The following TBC1D5 variants were observed in gnomAD, a reference collection of about 807,000 sequenced individuals.
TBC1D5 encodes TBC1 domain family member 5.
In TBC1D5, 75 loss-of-function variants were observed where a neutral mutation model predicts 100.3. That is an observed-to-expected ratio of 0.75 (90% confidence interval 0.62 to 0.91). The LOEUF (loss-of-function observed/expected upper bound fraction) is 0.91, where lower values mean the gene tolerates loss of function less well. Among genes scored for constraint, TBC1D5 ranks in the 40% least tolerant of loss-of-function variants. TBC1D5 has a pLI of 0.00. For missense variants in TBC1D5, 910 were observed against 942.4 expected (o/e 0.97, Z 0.45); for synonymous variants, 323 against 325.6 (o/e 0.99, Z 0.09).
chr3:17,363,730 T>G (rs1018093784), intron 13 of TBC1D5, among the ~76,000 whole-genome samples: 7 of 152,014 alleles, frequency 4.6e-5, no homozygotes, highest in Admixed American at 4.6e-4. Context: ...AATGTTTGAA[T>G]AGCTGAAAGT....
chr3:17,404,882 A>T lies in TBC1D5; in HGVS notation c.356T>A (p.Ile119Asn). Residue 119 changes from isoleucine to asparagine, a missense_variant, in exon 6 of 22, where the codon ATT becomes AAT. Transcript: ENST00000253692. The stretch of plus-strand genomic sequence containing the variant: ...ATACTATTTACTTACTATTTCTTTA[A>T]TGTTGCTATACCATGCTCTTAATTC... 3 of 1,585,398 alleles carry T rather than the reference A, an allele frequency of 1.9e-6. No individual in the cohort carries two copies. In the South Asian group the frequency reaches 3.5e-5, roughly 18 times the overall value.
intron 21 of TBC1D5, among the ~76,000 whole-genome samples, chr3:17,165,207 T>C (rs535040914): frequency 2.0e-5 from 3 of 152,354 alleles, no homozygotes; most frequent in South Asian, 2.1e-4. Flanking sequence ...TGGTCATTGG[T>C]AGGTTCTTAT....
chr3:17,196,019 C>T (rs561938326), intron 18 of TBC1D5, among the ~76,000 whole-genome samples: 1 of 152,172 alleles, frequency 6.6e-6, no homozygotes, highest in African/African-American at 2.4e-5. Context: ...CCTAAGACAT[C>T]TCAATACTTG....
intron 15 of TBC1D5, among the ~76,000 whole-genome samples, chr3:17,277,345 T>A (rs1272989944): frequency 6.6e-6 from 1 of 152,206 alleles, no homozygotes; most frequent in African/African-American, 2.4e-5. Flanking sequence ...TTTCCTCTCA[T>A]TTTCTATTTT....
intron 1 of TBC1D5, among the ~76,000 whole-genome samples, chr3:17,624,320 T>C (rs913066777): frequency 5.9e-5 from 9 of 152,226 alleles, no homozygotes; most frequent in African/African-American, 1.7e-4. Context: ...ATGATGCCTT[T>C]ATTTTTTTAT....
chr3:17,181,791 C>T (rs1179714568), intron 19 of TBC1D5, among the ~76,000 whole-genome samples: 3 of 152,188 alleles, frequency 2.0e-5, no homozygotes, highest in Admixed American at 2.0e-4. Context: ...ACCTAGGCAA[C>T]CACTGTTAAC....
intron 1 of TBC1D5, among the ~76,000 whole-genome samples, chr3:17,682,018 G>C (rs934136286): frequency 6.6e-6 from 1 of 151,488 alleles, no homozygotes; most frequent in Admixed American, 6.6e-5. Context: ...AGGTGGAACA[G>C]TTTCTTCTGG....
rs562434003 is a variant in TBC1D5, at chr3:17,700,633, GA to G, written c.-101+38709del. On this transcript the variant is annotated intron_variant, in intron 1 of 21. Transcript: ENST00000253692. Reference sequence around the variant, plus strand: ...ACAAAGAACTCAAACAAATTTACAAGAAAAAAACAAACAACCCCATCAAAAA... The same window carrying G: ...ACAAAGAACTCAAACAAATTTACAAGAAAAAACAAACAACCCCATCAAAAA... Among the ~76,000 whole-genome samples the G allele has an allele frequency of 7.4e-3, 1,117 of 151,970 alleles. 10 individuals are homozygous for G. Among genetic ancestry groups the G allele is most frequent in the Middle Eastern group, 0.048 (14 of 294 alleles).
chr3:17,240,050 G>A (rs1175202864), intron 16 of TBC1D5, among the ~76,000 whole-genome samples: 1 of 152,102 alleles, frequency 6.6e-6, no homozygotes, highest in African/African-American at 2.4e-5. Context: ...CTAGCTGTCA[G>A]CACTTAAATG....
At chr3:17,404,883 T>A (rs778001862) in exon 6 of TBC1D5, 1 of 1,587,024 alleles carries the variant, frequency 6.3e-7, no homozygotes, top group Non-Finnish European at 8.6e-7. Context: ...ATTTCTTTAA[T>A]GTTGCTATAC....
intron 15 of TBC1D5, among the ~76,000 whole-genome samples, chr3:17,264,268 A>G (rs935856043): frequency 5.3e-5 from 8 of 152,150 alleles, no homozygotes; most frequent in African/African-American, 1.9e-4. Context: ...TACTGAGTCT[A>G]GAGAAATCAA....
At chr3:17,475,543 A>G (rs564109563) in intron 3 of TBC1D5, among the ~76,000 whole-genome samples, 2 of 152,106 alleles carry the variant, frequency 1.3e-5, no homozygotes, top group East Asian at 1.9e-4. Flanking sequence ...ACTGCCCTGC[A>G]ATCATCAACA....
chr3:17,512,343 A>G (rs895541598), intron 2 of TBC1D5, among the ~76,000 whole-genome samples: 1 of 152,098 alleles, frequency 6.6e-6, no homozygotes, highest in Non-Finnish European at 1.5e-5. Flanking sequence ...AATCACTGTA[A>G]AAGTCCAGCA....
intron 13 of TBC1D5, among the ~76,000 whole-genome samples, chr3:17,342,721 G>C (rs946005993): frequency 6.6e-6 from 1 of 152,098 alleles, no homozygotes; most frequent in African/African-American, 2.4e-5. Context: ...TTTGGATTAT[G>C]CTTTTCCAAT....
At chr3:17,574,675 C>T (rs1158214040) in intron 2 of TBC1D5, among the ~76,000 whole-genome samples, 2 of 152,100 alleles carry the variant, frequency 1.3e-5, no homozygotes, top group Non-Finnish European at 2.9e-5. Context: ...GTCCAGCCAT[C>T]TATCTCCGCA....
chr3:17,453,999 T>C (rs1264315122), intron 3 of TBC1D5, among the ~76,000 whole-genome samples: 1 of 152,188 alleles, frequency 6.6e-6, no homozygotes, highest in Non-Finnish European at 1.5e-5. Flanking sequence ...ACCAATGGAA[T>C]GAAGGATAAA....
chr3:17,428,391 TTA>T (rs1170523609), intron 4 of TBC1D5, 57 bp downstream of exon 4: 32 of 524,150 alleles, frequency 6.1e-5, no homozygotes, highest in African/African-American at 2.1e-4. Context: ...TCTTATAATA[TTA>T]TATGTGTGTG....
chr3:17,414,610 T>C (rs2094017391), intron 4 of TBC1D5, among the ~76,000 whole-genome samples: 1 of 152,184 alleles, frequency 6.6e-6, no homozygotes, highest in Non-Finnish European at 1.5e-5. Flanking sequence ...GACTGTAAAG[T>C]GTGGCACCAG....
intron 3 of TBC1D5, among the ~76,000 whole-genome samples, chr3:17,437,622 TAGAGAGAGAG>T (rs58492511): frequency 1.6e-3 from 182 of 115,448 alleles, no homozygotes; most frequent in African/African-American, 6.3e-3. Context: ...GAGACAGAGG[TAGAGAGAGAG>T]AGAGAGAGAG....
Sources: gnomAD v4.1 joint callset for allele counts (sites outside exome capture counted in the v4.1 genomes callset) on GRCh38, gnomAD v4.1.1 for gene constraint, MANE v1.5 for transcripts, NCBI Gene and HGNC (gene_info 2026-07-23, HGNC 2026-07-21) for gene names.